The following RFX2 variants were observed in gnomAD, a reference collection of about 807,000 sequenced individuals.
RFX2 encodes the protein DNA-binding protein RFX2.
Under a neutral mutation model 87.8 loss-of-function variants are expected in RFX2, and 20 were observed. That is an observed-to-expected ratio of 0.23 (90% confidence interval 0.16 to 0.33). The LOEUF is 0.33. Among genes scored for constraint, RFX2 ranks in the 10% least tolerant of loss-of-function variants. RFX2 has a pLI of 1.00. For missense variants in RFX2, 767 were observed against 1,012.3 expected (o/e 0.76, Z 3.29); for synonymous variants, 397 against 431.3 (o/e 0.92, Z 0.98).
Position 5,997,267 on chromosome 19 carries a change from C to T in RFX2, c.1860-54G>A, listed in dbSNP as rs2086426324. ...CCCTCAGGGGAGCATGGAACCCGGG[C>T]CCCAGGCCAGACTTCATGGCAGCAA... On this transcript the variant is annotated intron_variant, in intron 15 of 17. Coordinates refer to ENST00000303657, the MANE Select transcript of RFX2 (RefSeq NM_000635.4). The surrounding 1 kb of genome is among the most constrained non-coding windows in gnomAD (Gnocchi z 4.2). The T allele has an allele frequency of 1.3e-6, 2 of 1,541,378 alleles. No individual in the cohort carries two copies. Among genetic ancestry groups the T allele is most frequent in the East Asian group, 2.4e-5 (1 of 42,422 alleles).
chr19:6,106,454 ATT>A (rs879858153), intron 1 of RFX2, among the ~76,000 whole-genome samples: 7 of 152,202 alleles, frequency 4.6e-5, no homozygotes, highest in Non-Finnish European at 8.8e-5. Context: ...AAAACTGGCA[ATT>A]TTTTTGTAAA....
At chr19:6,042,656 G>A (rs540056605) in intron 3 of RFX2, among the ~76,000 whole-genome samples, 1 of 152,356 alleles carries the variant, frequency 6.6e-6, no homozygotes, top group East Asian at 1.9e-4. Flanking sequence ...CCCTGGCAGA[G>A]AGGAGGGGAG....
chr19:6,109,875 A>G (rs2088278469), intron 1 of RFX2, among the ~76,000 whole-genome samples: 1 of 150,540 alleles, frequency 6.6e-6, no homozygotes, highest in Non-Finnish European at 1.5e-5. Flanking sequence ...GGTGCCCCCA[A>G]CTCAGAGATC....
intron 1 of RFX2, among the ~76,000 whole-genome samples, chr19:6,088,349 T>G (rs1364706708): frequency 6.6e-6 from 1 of 151,754 alleles, no homozygotes; most frequent in African/African-American, 2.4e-5. Context: ...GTGGCTAGTA[T>G]TACAGGCATG....
At chr19:6,082,586 C>A (rs1212749444) in intron 1 of RFX2, among the ~76,000 whole-genome samples, 2 of 152,132 alleles carry the variant, frequency 1.3e-5, no homozygotes, top group Non-Finnish European at 2.9e-5. Flanking sequence ...GCGTGCACCA[C>A]CACTCTCAGC....
chr19:6,033,362 C>T (rs982562786), intron 5 of RFX2, among the ~76,000 whole-genome samples: 2 of 152,104 alleles, frequency 1.3e-5, no homozygotes, highest in South Asian at 2.1e-4. Context: ...AGTAGCTAAT[C>T]GATTATTAGA....
chr19:6,028,616 A>C (rs986284922), intron 5 of RFX2, among the ~76,000 whole-genome samples: 3 of 152,216 alleles, frequency 2.0e-5, no homozygotes, highest in African/African-American at 7.2e-5. Flanking sequence ...TCACAAAAGC[A>C]GTCAAAAAAT....
intron 1 of RFX2, among the ~76,000 whole-genome samples, chr19:6,100,100 G>T (rs887895748): frequency 2.6e-5 from 4 of 152,198 alleles, no homozygotes; most frequent in South Asian, 2.1e-4. Context: ...GGCAAGAGGG[G>T]ATTAAAGAAG....
At chr19:6,071,830 G>A (rs2087610674) in intron 1 of RFX2, among the ~76,000 whole-genome samples, 2 of 152,124 alleles carry the variant, frequency 1.3e-5, no homozygotes, top group African/African-American at 4.8e-5. Flanking sequence ...AAGCTTGAGG[G>A]GAAATGTTAT....
chr19:5,994,989 A>G, intron 17 of RFX2, 39 bp from the exon 18 acceptor site: 1 of 1,455,860 alleles, frequency 6.9e-7, no homozygotes, highest in Non-Finnish European at 9.5e-7. Flanking sequence ...CATCATCAGG[A>G]GGGCACGAGA....
chr19:6,009,583 TTTTTTC>T (rs1403882368), intron 9 of RFX2, among the ~76,000 whole-genome samples: 4 of 152,148 alleles, frequency 2.6e-5, no homozygotes, highest in Non-Finnish European at 4.4e-5. Flanking sequence ...CTTTCTTTTT[TTTTTTC>T]TTTAATTTTA....
chr19:6,031,493 G>C (rs1421396164), intron 5 of RFX2, among the ~76,000 whole-genome samples: 1 of 123,968 alleles, frequency 8.1e-6, no homozygotes, highest in African/African-American at 3.1e-5. Flanking sequence ...GCAGTGTTGC[G>C]ATCTTGGCTC....
In RFX2 at chr19:6,016,025, C is replaced by A; in HGVS notation, c.779+65G>T. 6.8e-7 allele frequency: 1 copy of A among 1,471,840 alleles called. No homozygotes were observed. Among genetic ancestry groups the A allele is most frequent in the East Asian group, 2.4e-5 (1 of 42,354 alleles). 91.2% of individuals were successfully genotyped at this position (1,471,840 alleles called of 1,614,324 possible). ...AAAGGAGGAGGAAGCCTCGCATTTT[C>A]CCAAAAGCTCCATTTCTTGGGAAAG... On this transcript the variant is annotated intron_variant, in intron 7 of 17. Coordinates refer to ENST00000303657, the MANE Select transcript of RFX2 (RefSeq NM_000635.4). The surrounding 1 kb of genome is among the most constrained non-coding windows in gnomAD (Gnocchi z 5.4).
At chr19:6,018,755 G>C (rs1449862640) in intron 6 of RFX2, among the ~76,000 whole-genome samples, 4 of 152,334 alleles carry the variant, frequency 2.6e-5, no homozygotes, top group Middle Eastern at 3.4e-3. Context: ...CTCGAAGTGT[G>C]GGTCCAACCT....
chr19:6,042,106 G>C lies in RFX2; in HGVS notation c.198C>G (p.His66Gln). ...CGTACTGCACCTGGGCAGGATACAC[G>C]TGCTGCACCGGCTGCACCTGAAACA... ...QVPQQVQPVQ[H>Q]VYPAQVQYVE... The change falls in exon 4 of 18, where the codon CAC becomes CAG. Residue 66 changes from histidine to glutamine, a missense_variant. Coordinates refer to ENST00000303657, the MANE Select transcript of RFX2 (RefSeq NM_000635.4). 1 of 1,613,884 alleles carries C rather than the reference G, an allele frequency of 6.2e-7. No homozygotes were observed. Among genetic ancestry groups the C allele is most frequent in the Non-Finnish European group, 8.5e-7 (1 of 1,180,000 alleles).
At chr19:6,088,147 C>T (rs1010527742) in intron 1 of RFX2, among the ~76,000 whole-genome samples, 1 of 151,774 alleles carries the variant, frequency 6.6e-6, no homozygotes, top group African/African-American at 2.4e-5. Flanking sequence ...CTAAGCCTAA[C>T]CCAGGCTGGC....
chr19:6,046,332 G>A (rs1489470430), intron 2 of RFX2, among the ~76,000 whole-genome samples: 1 of 152,144 alleles, frequency 6.6e-6, no homozygotes, highest in African/African-American at 2.4e-5. Flanking sequence ...TGTAATCCCA[G>A]CACTTTGGGA....
At chr19:6,098,631 C>A (rs1160481378) in intron 1 of RFX2, among the ~76,000 whole-genome samples, 1 of 151,898 alleles carries the variant, frequency 6.6e-6, no homozygotes, top group Non-Finnish European at 1.5e-5. Flanking sequence ...GTTAAAGATA[C>A]CTTAACACCC....
chr19:6,081,055 A>T (rs546169517), intron 1 of RFX2, among the ~76,000 whole-genome samples: 4,984 of 146,148 alleles, frequency 0.034, 305 homozygotes, highest in African/African-American at 0.13. Flanking sequence ...AAAAAAAAAA[A>T]TCCAATTGCT....
Sources: gnomAD v4.1 joint callset for allele counts (sites outside exome capture counted in the v4.1 genomes callset) on GRCh38, gnomAD v4.1.1 for gene constraint, Gnocchi (gnomAD v3.1) non-coding constraint, MANE v1.5 for transcripts, NCBI Gene and HGNC (gene_info 2026-07-23, HGNC 2026-07-21) for gene names.